PPP1R9A: variants seen among roughly 807,000 people sequenced by gnomAD.
PPP1R9A encodes the protein neurabin-1.
A neutral mutation model predicts 141.9 loss-of-function variants in PPP1R9A; 59 were observed. The ratio of observed to expected loss-of-function variants is 0.42; its 90% CI spans 0.34 to 0.52. The LOEUF is 0.52. Ranked by LOEUF, PPP1R9A falls within the 20% of genes least tolerant of loss-of-function variation. The pLI is 0.10. For missense variants in PPP1R9A, 1,444 were observed against 1,611.9 expected (o/e 0.90, Z 1.78); for synonymous variants, 500 against 569.7 (o/e 0.88, Z 1.74).
At chr7:95,258,321 A>AG (rs1170628755) in intron 12 of PPP1R9A, among the ~76,000 whole-genome samples, 1 of 152,138 alleles carries the variant, frequency 6.6e-6, no homozygotes, top group Non-Finnish European at 1.5e-5. Flanking sequence ...TCTTCTTTTG[A>AG]GAAGTGTCTG....
intron 2 of PPP1R9A, among the ~76,000 whole-genome samples, chr7:94,974,275 G>A (rs958221372): frequency 4.6e-5 from 7 of 152,076 alleles, no homozygotes; most frequent in South Asian, 2.1e-4. Flanking sequence ...AGGCAGTCTC[G>A]GCATTTCTGA....
At chr7:94,934,824 A>G (rs367890780) in intron 2 of PPP1R9A, among the ~76,000 whole-genome samples, 1 of 151,338 alleles carries the variant, frequency 6.6e-6, no homozygotes, top group East Asian at 2.0e-4. Context: ...ATATACACAC[A>G]TACATGTATA....
chr7:94,921,420 C>G (rs1387019371), intron 2 of PPP1R9A, among the ~76,000 whole-genome samples: 3 of 148,596 alleles, frequency 2.0e-5, no homozygotes, highest in Non-Finnish European at 4.4e-5. Flanking sequence ...GCACTCCAGC[C>G]TGGGCGACAG....
chr7:94,992,208 AT>A (rs1472988367), intron 2 of PPP1R9A, among the ~76,000 whole-genome samples: 1 of 152,074 alleles, frequency 6.6e-6, no homozygotes, highest in Non-Finnish European at 1.5e-5. Context: ...ACTAGTTTGC[AT>A]TTTCTAGGAT....
intron 3 of PPP1R9A, among the ~76,000 whole-genome samples, chr7:95,115,484 A>G (rs1186695752): frequency 2.6e-5 from 4 of 152,228 alleles, no homozygotes; most frequent in Non-Finnish European, 5.9e-5. Context: ...TAATAAAGGA[A>G]AACTCTTCAT....
intron 4 of PPP1R9A, among the ~76,000 whole-genome samples, chr7:95,121,400 A>G (rs1010362001): frequency 1.3e-5 from 2 of 152,058 alleles, no homozygotes; most frequent in South Asian, 4.1e-4. Context: ...GAGCATCCAG[A>G]TTATCACTGT....
intron 2 of PPP1R9A, among the ~76,000 whole-genome samples, chr7:94,962,254 G>T (rs1168999515): frequency 6.6e-6 from 1 of 151,950 alleles, no homozygotes; most frequent in Non-Finnish European, 1.5e-5. Context: ...ATGTGCTGCT[G>T]CTGAGATGTC....
chr7:95,100,899 C>T (rs1369628007), intron 2 of PPP1R9A, among the ~76,000 whole-genome samples: 1 of 123,712 alleles, frequency 8.1e-6, no homozygotes, highest in Non-Finnish European at 1.6e-5. Context: ...GTCGCCCAGG[C>T]TGGAGTGCAG....
At chr7:94,917,352 T>A (rs1416672332) in intron 2 of PPP1R9A, among the ~76,000 whole-genome samples, 1 of 152,180 alleles carries the variant, frequency 6.6e-6, no homozygotes, top group Admixed American at 6.5e-5. Flanking sequence ...TTATTTCAGA[T>A]GTTTACTGGT....
chr7:95,286,146 C>T, intron 17 of PPP1R9A, 60 bp from the exon 18 acceptor site: 1 of 1,597,250 alleles, frequency 6.3e-7, no homozygotes, highest in South Asian at 1.1e-5. Context: ...CTTGTAGACA[C>T]ACCTACCTCT....
chr7:95,014,057 G>C (rs1310492133), intron 2 of PPP1R9A, among the ~76,000 whole-genome samples: 2 of 152,002 alleles, frequency 1.3e-5, no homozygotes, highest in African/African-American at 4.8e-5. Context: ...AAATACTCAA[G>C]TATGCATTTC....
chr7:95,034,675 A>T (rs1808199431), intron 2 of PPP1R9A, among the ~76,000 whole-genome samples: 1 of 152,114 alleles, frequency 6.6e-6, no homozygotes, highest in South Asian at 2.1e-4. Context: ...TTGAACTCTA[A>T]AAGTTTATGG....
intron 2 of PPP1R9A, among the ~76,000 whole-genome samples, chr7:94,979,044 G>A (rs573243641): frequency 7.2e-5 from 11 of 152,188 alleles, no homozygotes; most frequent in Admixed American, 5.2e-4. Flanking sequence ...TGATTCCTCC[G>A]CCTTGGCCCC....
At chr7:95,107,637 CAGAAT>C (rs1483288918) in intron 2 of PPP1R9A, among the ~76,000 whole-genome samples, 1 of 151,974 alleles carries the variant, frequency 6.6e-6, no homozygotes, top group Non-Finnish European at 1.5e-5. Flanking sequence ...AGGAGTGGAA[CAGAAT>C]AGAATATAAA....
At chr7:95,255,770 G>A (rs556135931) in intron 12 of PPP1R9A, among the ~76,000 whole-genome samples, 1 of 152,188 alleles carries the variant, frequency 6.6e-6, no homozygotes, top group South Asian at 2.1e-4. Context: ...TCTGATTCAT[G>A]GTCTTTATGT....
chr7:95,289,417 CTCATTGACAAGGCTG>C (rs1338077067), intron 19 of PPP1R9A, among the ~76,000 whole-genome samples: 1 of 152,200 alleles, frequency 6.6e-6, no homozygotes, highest in Non-Finnish European at 1.5e-5. Context: ...ATATGAAGGC[CTCATTGACAAGGCTG>C]TCCCTGTTGG....
At chr7:95,066,780 T>C (rs1420457406) in intron 2 of PPP1R9A, among the ~76,000 whole-genome samples, 1 of 151,982 alleles carries the variant, frequency 6.6e-6, no homozygotes, top group Non-Finnish European at 1.5e-5. Flanking sequence ...GAAAAGGAAG[T>C]GAAATTATCA....
At chr7:95,054,908 T>G (rs1224947288) in intron 2 of PPP1R9A, among the ~76,000 whole-genome samples, 1 of 152,226 alleles carries the variant, frequency 6.6e-6, no homozygotes, top group East Asian at 1.9e-4. Flanking sequence ...CTATTTGTAA[T>G]GTTCAAAAAT....
At chr7:95,158,971 G>A (rs1830046496) in intron 4 of PPP1R9A, among the ~76,000 whole-genome samples, 1 of 152,288 alleles carries the variant, frequency 6.6e-6, no homozygotes, top group South Asian at 2.1e-4. Context: ...ATGGAGATTT[G>A]TTAATGTCTA....
Sources: gnomAD v4.1 joint callset for allele counts (sites outside exome capture counted in the v4.1 genomes callset) on GRCh38, gnomAD v4.1.1 for gene constraint, MANE v1.5 for transcripts, NCBI Gene and HGNC (gene_info 2026-07-23, HGNC 2026-07-21) for gene names.